ANKRD31: variants seen among roughly 807,000 people sequenced by gnomAD.
The protein encoded by ANKRD31 is ankyrin repeat domain-containing protein 31.
A neutral mutation model predicts 186.0 loss-of-function variants in ANKRD31; 147 were observed. The ratio of observed to expected loss-of-function variants is 0.79; its 90% CI spans 0.69 to 0.91. ANKRD31 has a LOEUF of 0.91. ANKRD31 is among the 40% of genes least tolerant of loss of function. The probability of loss-of-function intolerance (pLI) is 0.00; values close to 1 mark genes in which losing one functional copy is unlikely to be tolerated. For missense variants in ANKRD31, 1,986 were observed against 2,148.8 expected (o/e 0.92, Z 1.50); for synonymous variants, 673 against 736.4 (o/e 0.91, Z 1.39).
chr5:75,139,651 T>G (rs1750861298), intron 15 of ANKRD31, among the ~76,000 whole-genome samples: 1 of 151,916 alleles, frequency 6.6e-6, no homozygotes, highest in Non-Finnish European at 1.5e-5. Flanking sequence ...TCAACACATT[T>G]GGGGGGATTA....
chr5:75,069,879 C>G (rs887460436), intron 25 of ANKRD31, among the ~76,000 whole-genome samples: 4 of 152,096 alleles, frequency 2.6e-5, no homozygotes, highest in Non-Finnish European at 5.9e-5. Flanking sequence ...AGACTTGAAC[C>G]TGGAAGCATG....
At chr5:75,181,338 G>A (rs1754277074) in intron 10 of ANKRD31, among the ~76,000 whole-genome samples, 1 of 152,120 alleles carries the variant, frequency 6.6e-6, no homozygotes, top group South Asian at 2.1e-4. Flanking sequence ...GATTCCTCAG[G>A]GATCTAGAAC....
At chr5:75,171,952 C>G (rs1753360440) in intron 10 of ANKRD31, among the ~76,000 whole-genome samples, 1 of 151,382 alleles carries the variant, frequency 6.6e-6, no homozygotes. Context: ...ATACCAAAAC[C>G]AAAGGCATTA....
In ANKRD31 at chr5:75,145,971, G is replaced by A; in HGVS notation, c.3424+16C>T. ...TCTATAGGAAATATGTACAGATTAAGCAATATTACTAATACCTGGTTTGTG... is the reference window on the plus strand; with the variant it reads ...TCTATAGGAAATATGTACAGATTAAACAATATTACTAATACCTGGTTTGTG... On this transcript the variant is annotated intron_variant, in intron 14 of 25. Coordinates refer to ENST00000506364, the MANE Select transcript of ANKRD31 (RefSeq NM_001372053.1). 7.0e-7 allele frequency: 1 copy of A among 1,429,962 alleles called. No homozygotes were observed. Among genetic ancestry groups the A allele is most frequent in the Non-Finnish European group, 9.2e-7 (1 of 1,088,982 alleles). 88.6% of individuals were successfully genotyped at this position (1,429,962 alleles called of 1,614,324 possible).
At chr5:75,102,830 C>T (rs920534855) in intron 22 of ANKRD31, among the ~76,000 whole-genome samples, 1 of 152,198 alleles carries the variant, frequency 6.6e-6, no homozygotes, top group Non-Finnish European at 1.5e-5. Flanking sequence ...TACCTTCTGC[C>T]ATGGCTTCCC....
In ANKRD31 at chr5:75,176,173, G is replaced by C. The variant is rs1199978532; in HGVS notation, c.1565-7052C>G. On this transcript the variant is annotated intron_variant, in intron 10 of 25. Coordinates refer to ENST00000506364, the MANE Select transcript of ANKRD31 (RefSeq NM_001372053.1). ...TCTGAGATCAAACTGCAAGGTGGCA[G>C]TGAGGCTGGGGGAGGGGCGCCTGCC... Among the ~76,000 whole-genome samples, 4 of 152,192 alleles carry C rather than the reference G, an allele frequency of 2.6e-5. No individual in the cohort carries two copies. In the East Asian group the frequency reaches 7.7e-4, roughly 29 times the overall value.
chr5:75,099,714 T>C (rs1243514839), intron 22 of ANKRD31, among the ~76,000 whole-genome samples: 3 of 152,222 alleles, frequency 2.0e-5, no homozygotes, highest in African/African-American at 7.2e-5. Context: ...CTTGTTTATT[T>C]GCGTATAGGT....
chr5:75,075,852 G>T (rs1285430551), intron 25 of ANKRD31, among the ~76,000 whole-genome samples: 4 of 152,130 alleles, frequency 2.6e-5, no homozygotes, highest in Non-Finnish European at 5.9e-5. Context: ...ATCATTTATA[G>T]GATGTTTTAC....
chr5:75,196,225 A>G, intron 6 of ANKRD31, 25 bp from the exon 7 acceptor site: 1 of 1,414,342 alleles, frequency 7.1e-7, no homozygotes, highest in Non-Finnish European at 9.2e-7. Flanking sequence ...TAGAAATTAC[A>G]TCATTACAGC....
chr5:75,220,239 C>A (rs1757201369), intron 3 of ANKRD31, among the ~76,000 whole-genome samples: 1 of 152,120 alleles, frequency 6.6e-6, no homozygotes, highest in South Asian at 2.1e-4. Context: ...AACAGGCAAC[C>A]TATGGAATGG....
At chr5:75,217,912 T>C (rs1208420213) in intron 3 of ANKRD31, among the ~76,000 whole-genome samples, 1 of 152,174 alleles carries the variant, frequency 6.6e-6, no homozygotes, top group Admixed American at 6.5e-5. Flanking sequence ...CCTTTCCATA[T>C]TTAGGGCTTC....
chr5:75,205,607 C>T (rs1341130632), intron 5 of ANKRD31, among the ~76,000 whole-genome samples: 1 of 152,160 alleles, frequency 6.6e-6, no homozygotes, highest in Admixed American at 6.6e-5. Context: ...AAACTCTAGA[C>T]AGTTAAAGTA....
chr5:75,185,014 A>T (rs1304644461), intron 10 of ANKRD31, among the ~76,000 whole-genome samples: 1 of 152,154 alleles, frequency 6.6e-6, no homozygotes, highest in Non-Finnish European at 1.5e-5. Context: ...TATACAATGG[A>T]ATACTATTCA....
intron 10 of ANKRD31, among the ~76,000 whole-genome samples, chr5:75,173,578 T>C (rs1431009475): frequency 6.6e-6 from 1 of 152,182 alleles, no homozygotes; most frequent in African/African-American, 2.4e-5. Flanking sequence ...AGCATTCCTA[T>C]ACACCAATAA....
At chr5:75,223,367 A>G (rs1173761264) in intron 2 of ANKRD31, among the ~76,000 whole-genome samples, 1 of 152,234 alleles carries the variant, frequency 6.6e-6, no homozygotes, top group East Asian at 1.9e-4. Flanking sequence ...ATGCATAGAA[A>G]GTACATAGAC....
chr5:75,114,728 C>G lies in ANKRD31; in HGVS notation c.4155+1838G>C, dbSNP rs188765144. Reference sequence around the variant, plus strand: ...ATGTGAAGGACCTCTTCAAGGAGAACTACAAACCGCTGCTCAACGAAATAA... The same window carrying G: ...ATGTGAAGGACCTCTTCAAGGAGAAGTACAAACCGCTGCTCAACGAAATAA... On this transcript the variant is annotated intron_variant, in intron 19 of 25. Coordinates refer to ENST00000506364, the MANE Select transcript of ANKRD31 (RefSeq NM_001372053.1). Among the ~76,000 whole-genome samples, 227 of 152,278 alleles carry G rather than the reference C, an allele frequency of 1.5e-3. 2 individuals are homozygous for G. Among genetic ancestry groups the G allele is most frequent in the African/African-American group, 5.0e-3 (209 of 41,550 alleles).
chr5:75,091,183 T>TA (rs1745893953), intron 23 of ANKRD31, 78 bp downstream of exon 23: 2 of 1,446,498 alleles, frequency 1.4e-6, no homozygotes, highest in Non-Finnish European at 1.8e-6. Flanking sequence ...CAGATTTCCT[T>TA]AAAAAATACT....
At chr5:75,114,152 C>T (rs1209095804) in intron 19 of ANKRD31, among the ~76,000 whole-genome samples, 2 of 151,980 alleles carry the variant, frequency 1.3e-5, no homozygotes, top group Non-Finnish European at 2.9e-5. Context: ...CAAAAGTTAC[C>T]TTTACATGAT....
chr5:75,204,930 G>A (rs6891023), intron 5 of ANKRD31, among the ~76,000 whole-genome samples: 76,868 of 152,106 alleles, frequency 0.51, 22,362 homozygotes, highest in African/African-American at 0.81. Context: ...TCTGTCACCC[G>A]GGCTGGAAAC....
Sources: gnomAD v4.1 joint callset for allele counts (sites outside exome capture counted in the v4.1 genomes callset) on GRCh38, gnomAD v4.1.1 for gene constraint, MANE v1.5 for transcripts, NCBI Gene and HGNC (gene_info 2026-07-23, HGNC 2026-07-21) for gene names.